The following MAD1L1 variants were observed in gnomAD, a reference collection of about 807,000 sequenced individuals.
The protein encoded by MAD1L1 is mitotic spindle assembly checkpoint protein MAD1.
Under a neutral mutation model 96.9 loss-of-function variants are expected in MAD1L1, and 95 were observed. The observed-to-expected ratio is 0.98, with a 90% CI of 0.83 to 1.16. The LOEUF is 1.16. Among genes scored for constraint, MAD1L1 ranks in the 50% most tolerant of loss-of-function variants. The pLI is 0.00. For synonymous variants in MAD1L1, 473 were observed against 396.6 expected, an observed-to-expected ratio of 1.19 and a Z score of -2.29; for missense variants, 1,007 against 954.4, an observed-to-expected ratio of 1.06 and a Z score of -0.73.
chr7:1,878,731 TCCCC>T (rs35603667), intron 18 of MAD1L1, among the ~76,000 whole-genome samples: 13 of 128,988 alleles, frequency 1.0e-4, no homozygotes, highest in South Asian at 7.7e-4. Context: ...GGTAAAAATG[TCCCC>T]CCCCCCCCAT....
chr7:1,912,943 C>T (rs971150591), intron 17 of MAD1L1, among the ~76,000 whole-genome samples: 21 of 152,090 alleles, frequency 1.4e-4, no homozygotes, highest in African/African-American at 4.6e-4. Context: ...TTGCATGCCG[C>T]GTTCATGATT....
chr7:2,081,355 G>A (rs1020839510), intron 11 of MAD1L1, among the ~76,000 whole-genome samples: 4 of 152,266 alleles, frequency 2.6e-5, no homozygotes, highest in East Asian at 1.9e-4. Flanking sequence ...AAACTGACGC[G>A]TAAAGGAACG....
At chr7:1,980,424 C>A in intron 15 of MAD1L1, 29 bp downstream of exon 15, 1 of 1,581,206 alleles carries the variant, frequency 6.3e-7, no homozygotes, top group East Asian at 2.3e-5. Context: ...CACACCTGGG[C>A]GTGTCCGCCT....
intron 10 of MAD1L1, among the ~76,000 whole-genome samples, chr7:2,193,854 C>A (rs1584517236): frequency 6.6e-6 from 1 of 151,962 alleles, no homozygotes; most frequent in East Asian, 1.9e-4. Context: ...AAGGAAGAAA[C>A]CACCATGATG....
chr7:1,936,967 G>A (rs1453584505), intron 16 of MAD1L1, 70 bp from the exon 17 acceptor site: 4 of 1,248,868 alleles, frequency 3.2e-6, no homozygotes, highest in East Asian at 5.1e-5. Context: ...CACACAGCAT[G>A]GGTCACCATG....
At chr7:2,083,385 G>A (rs1053238285) in intron 11 of MAD1L1, among the ~76,000 whole-genome samples, 2 of 152,182 alleles carry the variant, frequency 1.3e-5, no homozygotes, top group African/African-American at 2.4e-5. Context: ...TTTAAGAACT[G>A]ACAAAGACAG....
chr7:2,131,466 A>G (rs1322515249), intron 11 of MAD1L1, among the ~76,000 whole-genome samples: 7 of 152,268 alleles, frequency 4.6e-5, no homozygotes, highest in African/African-American at 1.7e-4. Flanking sequence ...AACAGGGAGC[A>G]GCTGAGACTG....
intron 18 of MAD1L1, among the ~76,000 whole-genome samples, chr7:1,884,198 G>A (rs1470608553): frequency 6.6e-6 from 1 of 152,256 alleles, no homozygotes; most frequent in African/African-American, 2.4e-5. Context: ...CACGGTGTTT[G>A]GTGGCACAGC....
chr7:1,816,307 C>T (rs1781802408), intron 18 of MAD1L1, 79 bp from the exon 19 acceptor site: 7 of 1,444,710 alleles, frequency 4.8e-6, no homozygotes, highest in African/African-American at 4.2e-5. Context: ...CCTACACAGC[C>T]CCTCCAGCCA....
At chr7:2,126,364 C>T (rs997303061) in intron 11 of MAD1L1, among the ~76,000 whole-genome samples, 2 of 152,152 alleles carry the variant, frequency 1.3e-5, no homozygotes, top group African/African-American at 2.4e-5. Context: ...CACAGGCACT[C>T]GGGCATGCAC....
chr7:2,003,721 C>A (rs1321799106), intron 13 of MAD1L1, among the ~76,000 whole-genome samples: 1 of 152,174 alleles, frequency 6.6e-6, no homozygotes, highest in Non-Finnish European at 1.5e-5. Context: ...CATGACCAGC[C>A]CCGCCTGCTG....
intron 16 of MAD1L1, among the ~76,000 whole-genome samples, chr7:1,940,757 CGT>C (rs1160079075): frequency 2.0e-5 from 3 of 152,224 alleles, no homozygotes; most frequent in East Asian, 1.9e-4. Context: ...AGATAACCCG[CGT>C]GTGTCCCAAA....
Position 1,928,281 on chromosome 7 carries a change from G to A in MAD1L1, c.1807+8406C>T, listed in dbSNP as rs538834561. Among the ~76,000 whole-genome samples the A allele has an allele frequency of 4.6e-3, 685 of 150,480 alleles. 8 individuals carry two copies. The highest frequency in any genetic ancestry group is 7.5e-3 in the Non-Finnish European group (505 of 67,576). On this transcript the variant is annotated intron_variant, in intron 17 of 18. Transcript: ENST00000265854. ...CCCGCCAGTCCCTAGAGGAGCCCACGACAGAACTGCCACACCTGACACTGC... is the reference window on the plus strand; with the variant it reads ...CCCGCCAGTCCCTAGAGGAGCCCACAACAGAACTGCCACACCTGACACTGC...
At chr7:2,193,733 C>A (rs190398250) in intron 10 of MAD1L1, among the ~76,000 whole-genome samples, 20 of 152,332 alleles carry the variant, frequency 1.3e-4, no homozygotes, top group African/African-American at 4.8e-4. Context: ...AAGGCTCCAG[C>A]CAGAGCAGGT....
At chr7:2,031,893 G>A (rs1028730462) in intron 12 of MAD1L1, among the ~76,000 whole-genome samples, 2 of 152,374 alleles carry the variant, frequency 1.3e-5, no homozygotes, top group African/African-American at 2.4e-5. Flanking sequence ...CGGCTCTGGG[G>A]CCACTACTCA....
rs1245623800 is a variant in MAD1L1 at position 1,950,320 on chromosome 7, G to GTCCA, written c.1596+7308_1596+7309insTGGA. Among the ~76,000 whole-genome samples, 4 of 152,158 alleles carry GTCCA rather than the reference G, an allele frequency of 2.6e-5. No individual in the cohort carries two copies. In the East Asian group the frequency reaches 7.7e-4, roughly 29 times the overall value. On this transcript the variant is annotated intron_variant, in intron 16 of 18. Transcript: ENST00000265854. ...GCACACTCACACCATCCGTCTGTCC[G>GTCCA]TCCGTCCAGTGGCTCTGCCGCCCTC...
chr7:2,011,706 T>G (rs1782310510), intron 13 of MAD1L1, among the ~76,000 whole-genome samples: 2 of 152,184 alleles, frequency 1.3e-5, no homozygotes, highest in Non-Finnish European at 2.9e-5. Context: ...TGGTGGTGGC[T>G]GCTCCACAGA....
intron 12 of MAD1L1, among the ~76,000 whole-genome samples, chr7:2,015,720 A>T (rs1330611764): frequency 6.6e-6 from 1 of 152,226 alleles, no homozygotes; most frequent in Non-Finnish European, 1.5e-5. Flanking sequence ...GCCCTGCGTG[A>T]GCCCACAGGA....
At chr7:2,046,585 G>A (rs1010143527) in intron 12 of MAD1L1, among the ~76,000 whole-genome samples, 4 of 152,200 alleles carry the variant, frequency 2.6e-5, no homozygotes, top group East Asian at 1.9e-4. Flanking sequence ...TCTGCGTGGC[G>A]ATCATCTCCT....
Sources: gnomAD v4.1 joint callset for allele counts (sites outside exome capture counted in the v4.1 genomes callset) on GRCh38, gnomAD v4.1.1 for gene constraint, MANE v1.5 for transcripts, NCBI Gene and HGNC (gene_info 2026-07-23, HGNC 2026-07-21) for gene names.